PRSS12: variants seen among roughly 807,000 people sequenced by gnomAD.
The protein encoded by PRSS12 is neurotrypsin.
Under a neutral mutation model 104.4 loss-of-function variants are expected in PRSS12, and 85 were observed. The ratio of observed to expected loss-of-function variants is 0.81; its 90% CI spans 0.68 to 0.98. The LOEUF (loss-of-function observed/expected upper bound fraction) is 0.98. Among genes scored for constraint, PRSS12 ranks in the 50% least tolerant of loss-of-function variants. The probability of loss-of-function intolerance (pLI) is 0.00; values close to 1 mark genes in which losing one functional copy is unlikely to be tolerated. For synonymous variants in PRSS12, 454 were observed against 425.2 expected, an observed-to-expected ratio of 1.07 and a Z score of -0.83; for missense variants, 1,141 against 1,139.2, an observed-to-expected ratio of 1.00 and a Z score of -0.02.
intron 4 of PRSS12, among the ~76,000 whole-genome samples, chr4:118,319,368 A>G (rs28635029): frequency 0.07 from 10,706 of 152,088 alleles, 474 homozygotes; most frequent in South Asian, 0.14. Context: ...GCACCCTGCC[A>G]TAAGTTCTGA....
chr4:118,314,067 T>A (rs1222685153), intron 6 of PRSS12, among the ~76,000 whole-genome samples: 2 of 152,036 alleles, frequency 1.3e-5, no homozygotes, highest in Non-Finnish European at 2.9e-5. Flanking sequence ...ATCTGAAAAA[T>A]TTTTTAAATT....
intron 8 of PRSS12, among the ~76,000 whole-genome samples, chr4:118,299,742 AAAAT>A (rs201445007): frequency 0.31 from 26,976 of 86,436 alleles, 4,223 homozygotes; most frequent in East Asian, 0.42. Context: ...AAAATAAAAT[AAAAT>A]AAATAAAATA....
At chr4:118,315,333 T>A (rs901773730) in intron 6 of PRSS12, among the ~76,000 whole-genome samples, 2 of 152,182 alleles carry the variant, frequency 1.3e-5, no homozygotes, top group Non-Finnish European at 2.9e-5. Context: ...TTTATTTTCA[T>A]CATTTTCCAA....
At chr4:118,302,545 G>T (rs979814726) in intron 8 of PRSS12, among the ~76,000 whole-genome samples, 2 of 152,180 alleles carry the variant, frequency 1.3e-5, no homozygotes, top group African/African-American at 4.8e-5. Context: ...TCCTGCCTCA[G>T]CCTCCCGAGC....
intron 1 of PRSS12, among the ~76,000 whole-genome samples, 167 bp downstream of exon 1, chr4:118,352,052 G>A (rs1446457162): frequency 6.6e-6 from 1 of 152,124 alleles, no homozygotes; most frequent in Non-Finnish European, 1.5e-5. Flanking sequence ...TGCAGCACCA[G>A]TATACCTTAC....
intron 8 of PRSS12, among the ~76,000 whole-genome samples, chr4:118,304,549 G>A (rs1270607181): frequency 1.3e-5 from 2 of 151,654 alleles, no homozygotes; most frequent in African/African-American, 4.8e-5. Context: ...ATTTTTTTAA[G>A]GATTAATACG....
chr4:118,321,650 GATAA>G (rs1394901842), intron 4 of PRSS12, among the ~76,000 whole-genome samples: 1 of 152,106 alleles, frequency 6.6e-6, no homozygotes, highest in African/African-American at 2.4e-5. Flanking sequence ...CCTGACAGTT[GATAA>G]ATAACATATT....
At chr4:118,352,079 G>T in intron 1 of PRSS12, 140 bp downstream of exon 1, 1 of 1,234,546 alleles carries the variant, frequency 8.1e-7, no homozygotes, top group Non-Finnish European at 1.1e-6. Context: ...CCCAGCTGCA[G>T]CCCACCATCA....
rs1289867197 is a variant in PRSS12 at position 118,282,205 on chromosome 4, GAA to G, written c.2357_2358del (p.Ile786ThrfsTer5). On this transcript the variant is annotated frameshift_variant, in exon 13 of 13. Transcript: ENST00000296498. LOFTEE classifies it high-confidence loss of function. ...AYSRTLQQAA[I>X]PLLPKRFCEE... ...TCACAAAACCTTTTAGGAAGTAAGG[GAA>G]TGGCTGCTTGTTGTAGTGTTCTTGA... is the stretch of plus-strand genomic sequence containing the variant. The G allele has an allele frequency of 6.2e-7, 1 of 1,614,166 alleles. No homozygotes were observed. Among genetic ancestry groups the G allele is most frequent in the Admixed American group, 1.7e-5 (1 of 60,018 alleles).
intron 11 of PRSS12, among the ~76,000 whole-genome samples, chr4:118,287,750 C>T (rs1240154979): frequency 2.0e-5 from 3 of 152,142 alleles, no homozygotes; most frequent in Non-Finnish European, 2.9e-5. Context: ...TAAAGCAATC[C>T]TCTTTTGCAA....
At chr4:118,351,667 G>A (rs115299818) in intron 1 of PRSS12, among the ~76,000 whole-genome samples, 4,474 of 152,130 alleles carry the variant, frequency 0.029, 124 homozygotes, top group Non-Finnish European at 0.046. Flanking sequence ...ATGTGAATAT[G>A]GCTGATTTTG....
intron 5 of PRSS12, among the ~76,000 whole-genome samples, chr4:118,316,579 C>T (rs781640178): frequency 1.0e-4 from 15 of 148,770 alleles, no homozygotes; most frequent in East Asian, 2.0e-4. Flanking sequence ...CCCAGCATTT[C>T]GGGAGGCTGA....
chr4:118,302,473 C>G (rs1743424814), intron 8 of PRSS12, among the ~76,000 whole-genome samples: 1 of 152,204 alleles, frequency 6.6e-6, no homozygotes, highest in Non-Finnish European at 1.5e-5. Context: ...GTCGCCCAGG[C>G]TGGAGTGCAA....
intron 4 of PRSS12, among the ~76,000 whole-genome samples, chr4:118,324,691 G>T (rs1221374792): frequency 6.6e-6 from 1 of 151,906 alleles, no homozygotes. Context: ...TGGTGCAAAG[G>T]ACATGGTTTC....
chr4:118,304,661 T>G (rs1399039368), intron 8 of PRSS12, among the ~76,000 whole-genome samples: 2 of 152,028 alleles, frequency 1.3e-5, no homozygotes, highest in Non-Finnish European at 2.9e-5. Context: ...ACTTAGTCTA[T>G]CTCAATGAAT....
chr4:118,292,250 G>T (rs921926342), intron 11 of PRSS12, among the ~76,000 whole-genome samples: 16 of 152,090 alleles, frequency 1.1e-4, no homozygotes, highest in African/African-American at 3.6e-4. Flanking sequence ...ACACGACAAA[G>T]ATAAGCATCT....
intron 4 of PRSS12, among the ~76,000 whole-genome samples, chr4:118,327,672 A>T (rs934837488): frequency 6.6e-6 from 1 of 152,192 alleles, no homozygotes; most frequent in Non-Finnish European, 1.5e-5. Context: ...TTTTTGAAAG[A>T]CATGGAAAGT....
intron 3 of PRSS12, 126 bp downstream of exon 3, chr4:118,335,347 G>T: frequency 9.0e-7 from 1 of 1,108,280 alleles, no homozygotes; most frequent in Non-Finnish European, 1.3e-6. Flanking sequence ...AAAATATTTT[G>T]ACTCAGACTT....
In PRSS12 at chr4:118,330,460, G is replaced by T. The variant is rs6825890; in HGVS notation, c.971+1256C>A. ...GATGGGACAGTCTCCAAAACAACTG[G>T]CCTTGGCTCTTCAACAAATCAGCAT... On this transcript the variant is annotated intron_variant, in intron 4 of 12. Transcript: ENST00000296498. 2.2e-3 allele frequency among the ~76,000 whole-genome samples: 334 copies of T among 152,016 alleles called. 1 individual carries two copies. Among genetic ancestry groups the T allele is most frequent in the African/African-American group, 7.6e-3 (314 of 41,478 alleles).
Sources: allele counts gnomAD v4.1 joint callset (sites outside exome capture counted in the v4.1 genomes callset), GRCh38; gene constraint gnomAD v4.1.1; transcripts MANE v1.5; gene names NCBI Gene and HGNC (gene_info 2026-07-23, HGNC 2026-07-21).